Variants in FRMD4A observed in about 807,000 individuals in gnomAD.
FRMD4A encodes the protein FERM domain containing 4A.
Under a neutral mutation model 129.1 loss-of-function variants are expected in FRMD4A, and 29 were observed. That is an observed-to-expected ratio of 0.22 (90% CI 0.17 to 0.31). The LOEUF is 0.31. Among genes scored for constraint, FRMD4A ranks in the 10% least tolerant of loss-of-function variants. The pLI, the probability that FRMD4A is intolerant of heterozygous loss-of-function variation, is 1.00. For synonymous variants in FRMD4A, 634 were observed against 571.6 expected, an observed-to-expected ratio of 1.11 and a Z score of -1.56; for missense variants, 1,272 against 1,375.8, an observed-to-expected ratio of 0.92 and a Z score of 1.19.
At chr10:14,111,301 C>G (rs4342919) in intron 2 of FRMD4A, among the ~76,000 whole-genome samples, 1 of 151,998 alleles carries the variant, frequency 6.6e-6, no homozygotes, top group Non-Finnish European at 1.5e-5. Flanking sequence ...AGGCAATATT[C>G]TACCCTCGAT....
chr10:14,054,714 C>A (rs1180065591), intron 2 of FRMD4A, among the ~76,000 whole-genome samples: 1 of 152,128 alleles, frequency 6.6e-6, no homozygotes, highest in Non-Finnish European at 1.5e-5. Context: ...CCACCCAAAT[C>A]TCATCTTGAA....
At chr10:13,706,830 C>G (rs1163781225) in intron 13 of FRMD4A, among the ~76,000 whole-genome samples, 2 of 151,534 alleles carry the variant, frequency 1.3e-5, no homozygotes, top group East Asian at 3.9e-4. Context: ...TTGCTACTTA[C>G]ACACACGTGC....
At chr10:13,869,468 G>C (rs1009583513) in intron 2 of FRMD4A, among the ~76,000 whole-genome samples, 1 of 152,244 alleles carries the variant, frequency 6.6e-6, no homozygotes, top group African/African-American at 2.4e-5. Context: ...GATTCCGCTG[G>C]GGCGGGTCCA....
chr10:13,881,991 GTGTGTGTGTGTGTGTGTGTGTGTGT>G (rs777127763), intron 2 of FRMD4A, among the ~76,000 whole-genome samples: 1 of 146,926 alleles, frequency 6.8e-6, no homozygotes, highest in South Asian at 2.2e-4. Flanking sequence ...AGAGGCAAGG[GTGTGTGTGTGTGTGTGTGTGTGTGT>G]GTGTGTGTGT....
intron 2 of FRMD4A, among the ~76,000 whole-genome samples, chr10:14,015,388 C>G (rs1051612953): frequency 1.3e-5 from 2 of 149,722 alleles, no homozygotes; most frequent in African/African-American, 4.9e-5. Context: ...TTTTCTCTTC[C>G]CCTCCCCTCG....
At chr10:13,713,296 G>C (rs2088230512) in intron 12 of FRMD4A, among the ~76,000 whole-genome samples, 2 of 152,166 alleles carry the variant, frequency 1.3e-5, no homozygotes, top group Non-Finnish European at 2.9e-5. Flanking sequence ...AGTAATTGAT[G>C]ATGGGACCCA....
At position 14,296,014 on chromosome 10, in the gene FRMD4A, T is replaced by C. The variant is rs150157106; in HGVS notation, c.45+34044A>G. On this transcript the variant is annotated intron_variant, in intron 2 of 24. Transcript: ENST00000357447. Reference sequence around the variant, plus strand: ...ATTTTTTTTCCTATGACTGTTTCTATTTTTAAATTACTTAACAAGAAGTGA... The same window carrying C: ...ATTTTTTTTCCTATGACTGTTTCTACTTTTAAATTACTTAACAAGAAGTGA... Among the ~76,000 whole-genome samples, 12 of 152,296 alleles carry C rather than the reference T, an allele frequency of 7.9e-5. No individual in the cohort carries two copies. In the East Asian group the frequency reaches 2.3e-3, roughly 30 times the overall value.
At chr10:13,929,307 C>T (rs1020753565) in intron 2 of FRMD4A, among the ~76,000 whole-genome samples, 1 of 152,184 alleles carries the variant, frequency 6.6e-6, no homozygotes, top group African/African-American at 2.4e-5. Flanking sequence ...CGTGTGTTCT[C>T]CAGGCTGAGT....
chr10:13,892,435 A>G (rs534843961), intron 2 of FRMD4A, among the ~76,000 whole-genome samples: 60 of 152,228 alleles, frequency 3.9e-4, no homozygotes, highest in African/African-American at 1.4e-3. Context: ...ATTGCGAGAG[A>G]CCCGGGGTAG....
At position 13,863,334 on chromosome 10, in the gene FRMD4A, C is replaced by A. The variant is rs943238450; in HGVS notation, c.46-4422G>T. On this transcript the variant is annotated intron_variant, in intron 2 of 24. Coordinates refer to ENST00000357447, the MANE Select transcript of FRMD4A (RefSeq NM_018027.5). ...TGGTGGCTCACGCCTGTAATCCTAGCCCTTTGGGAGGCCGAGGCAGGTGGA... is the reference window on the plus strand; with the variant it reads ...TGGTGGCTCACGCCTGTAATCCTAGACCTTTGGGAGGCCGAGGCAGGTGGA... 4.6e-5 allele frequency among the ~76,000 whole-genome samples: 7 copies of A among 152,242 alleles called. No homozygotes were observed. In the East Asian group the frequency reaches 1.4e-3, roughly 29 times the overall value.
intron 2 of FRMD4A, among the ~76,000 whole-genome samples, chr10:14,056,434 T>A (rs1162450045): frequency 6.6e-6 from 1 of 151,804 alleles, no homozygotes; most frequent in Non-Finnish European, 1.5e-5. Context: ...TCCCCCAGTA[T>A]TTCTTTAGTT....
intron 2 of FRMD4A, among the ~76,000 whole-genome samples, chr10:13,985,546 G>T (rs563073011): frequency 6.6e-6 from 1 of 152,352 alleles, no homozygotes; most frequent in East Asian, 1.9e-4. Context: ...AGGTTGGGAT[G>T]CCGGAGAGAG....
intron 12 of FRMD4A, among the ~76,000 whole-genome samples, chr10:13,722,202 A>G (rs1053610542): frequency 6.6e-6 from 1 of 151,546 alleles, no homozygotes; most frequent in African/African-American, 2.4e-5. Flanking sequence ...GGGTGGTTGC[A>G]TGAACTATTC....
At position 14,329,909 on chromosome 10, in the gene FRMD4A, A is replaced by G; in HGVS notation, c.45+149T>C. ...AGTGCTTTGTCATGCTGATACTCTG[A>G]CCCAAGAAAGCATTTCCAAAGAGCC... is the stretch of plus-strand genomic sequence containing the variant. On this transcript the variant is annotated intron_variant, in intron 2 of 24. Transcript: ENST00000357447. 8.3e-6 allele frequency: 6 copies of G among 725,056 alleles called. No individual in the cohort carries two copies. In the South Asian group the frequency reaches 8.6e-5, roughly 10 times the overall value. The allele number at this position is 725,056 out of a possible 1,614,324, so 44.9% of individuals were successfully genotyped here.
At chr10:14,090,628 C>T (rs895723804) in intron 2 of FRMD4A, among the ~76,000 whole-genome samples, 11 of 152,244 alleles carry the variant, frequency 7.2e-5, no homozygotes, top group Admixed American at 4.6e-4. Context: ...TCTCAGTTAA[C>T]GTTGGAACCA....
Position 13,659,462 on chromosome 10 carries a change from T to C in FRMD4A, c.1927A>G (p.Ser643Gly), listed in dbSNP as rs766341005. The change falls in exon 21 of 25, where the codon AGC (serine) becomes GGC (glycine). Residue 643 changes from serine (S) to glycine (G), a missense_variant. Ser to Gly is a moderately conservative substitution (Grantham distance 56). Transcript: ENST00000357447. ...CTTCCTCCGCCGGCTTCCGCACAGC[T>C]TCCTGTGCTGGGGAAGCGCTTGTGG... ...SSHKRFPSTG[S>G]CAEAGGGSNS... 6.2e-7 allele frequency: 1 copy of C among 1,613,670 alleles called. No individual in the cohort carries two copies. Among genetic ancestry groups the C allele is most frequent in the Non-Finnish European group, 8.5e-7 (1 of 1,179,924 alleles).
chr10:13,729,656 G>A (rs549756668), intron 12 of FRMD4A: 67 of 152,288 alleles, frequency 4.4e-4, no homozygotes, highest in African/African-American at 1.6e-3. Context: ...GGAAGCCACC[G>A]CGGCTGCTTA....
intron 3 of FRMD4A, among the ~76,000 whole-genome samples, chr10:13,828,834 C>T (rs1448040554): frequency 6.6e-6 from 1 of 152,152 alleles, no homozygotes; most frequent in African/African-American, 2.4e-5. Context: ...ACCAGGCCAC[C>T]ACGTTTTCTT....
At chr10:14,276,071 T>C (rs1564433951) in intron 2 of FRMD4A, among the ~76,000 whole-genome samples, 1 of 152,116 alleles carries the variant, frequency 6.6e-6, no homozygotes, top group East Asian at 1.9e-4. Context: ...ACAGAATGAA[T>C]CAGGAGACCT....
Sources: allele counts gnomAD v4.1 joint callset (sites outside exome capture counted in the v4.1 genomes callset), GRCh38; gene constraint gnomAD v4.1.1; transcripts MANE v1.5; gene names NCBI Gene and HGNC (gene_info 2026-07-23, HGNC 2026-07-21).